AGAP1: variants seen among roughly 807,000 people sequenced by gnomAD.
The protein encoded by AGAP1 is arf-GAP with GTPase, ANK repeat and PH domain-containing protein 1.
AGAP1 carries 29 observed loss-of-function variants against 105.3 expected under a neutral mutation model. That is an observed-to-expected ratio of 0.28 (90% CI 0.21 to 0.38). The LOEUF is 0.38. Among genes scored for constraint, AGAP1 ranks in the 10% least tolerant of loss-of-function variants. AGAP1 has a pLI of 1.00. For missense variants in AGAP1, 998 were observed against 1,165.1 expected (o/e 0.86, Z 2.09); for synonymous variants, 509 against 485.9 (o/e 1.05, Z -0.63).
chr2:235,677,956 A>C (rs1948841953), intron 1 of AGAP1, among the ~76,000 whole-genome samples: 4 of 106,874 alleles, frequency 3.7e-5, no homozygotes, highest in Admixed American at 1.1e-4. Flanking sequence ...AAAAAAAAAA[A>C]AGCAAAACCA....
In AGAP1 at chr2:235,741,065, G is replaced by T. The variant is rs1350712362; in HGVS notation, c.396+17G>T. ...GAGGCGCAGGTGAGTATACATGCAT[G>T]CCCCAAGCCTGCTTTTTTTCCCTTT... On this transcript the variant is annotated intron_variant, in intron 4 of 17. Transcript: ENST00000304032. This position sits in a 1 kb window ranked among gnomAD's most constrained non-coding sequence, Gnocchi z 4.9. 6.4e-7 allele frequency: 1 copy of T among 1,558,132 alleles called. No individual in the cohort carries two copies. The highest frequency in any genetic ancestry group is 8.7e-7 in the Non-Finnish European group (1 of 1,145,658).
At chr2:235,613,254 C>A (rs563388539) in intron 1 of AGAP1, among the ~76,000 whole-genome samples, 2 of 152,258 alleles carry the variant, frequency 1.3e-5, no homozygotes, top group African/African-American at 4.8e-5. Flanking sequence ...CCTCGGCTTC[C>A]AAAAGTGCTG....
intron 1 of AGAP1, among the ~76,000 whole-genome samples, chr2:235,652,973 C>G (rs1009572427): frequency 6.6e-6 from 1 of 151,760 alleles, no homozygotes; most frequent in Non-Finnish European, 1.5e-5. Context: ...GACTCTGTCT[C>G]GAAAAACAAG....
chr2:236,115,159 G>A (rs1194074720), intron 16 of AGAP1, among the ~76,000 whole-genome samples: 3 of 152,200 alleles, frequency 2.0e-5, no homozygotes, highest in South Asian at 2.1e-4. Flanking sequence ...CACACGTGCC[G>A]CTTCCACGGG....
chr2:236,109,675 C>G lies in AGAP1; in HGVS notation c.2115-10517C>G, dbSNP rs1053703823. On this transcript the variant is annotated intron_variant, in intron 16 of 17. Coordinates refer to ENST00000304032, the MANE Select transcript of AGAP1 (RefSeq NM_001037131.3). This position sits in a 1 kb window ranked among gnomAD's most constrained non-coding sequence, Gnocchi z 5.4. ...CCTAGTCGGCGGCAGCGTCGGTGCTCTGGACCGGCAGCCGTGGAAACGTTC... is the reference window on the plus strand; with the variant it reads ...CCTAGTCGGCGGCAGCGTCGGTGCTGTGGACCGGCAGCCGTGGAAACGTTC... 1.3e-5 allele frequency among the ~76,000 whole-genome samples: 2 copies of G among 152,226 alleles called. No individual in the cohort carries two copies. Among genetic ancestry groups the G allele is most frequent in the African/African-American group, 4.8e-5 (2 of 41,466 alleles).
intron 16 of AGAP1, among the ~76,000 whole-genome samples, chr2:236,052,918 G>A (rs2057946913): frequency 1.3e-5 from 2 of 152,132 alleles, no homozygotes; most frequent in South Asian, 4.1e-4. Flanking sequence ...TTAAAATATC[G>A]ATTTTAAGTG....
chr2:235,967,651 C>T lies in AGAP1; in HGVS notation c.1484-811C>T, dbSNP rs189982596. Among the ~76,000 whole-genome samples, 6 of 152,222 alleles carry T rather than the reference C, an allele frequency of 3.9e-5. No homozygotes were observed. The highest frequency in any genetic ancestry group is 6.5e-5 in the Admixed American group (1 of 15,284). On this transcript the variant is annotated intron_variant, in intron 12 of 17. Transcript: ENST00000304032. This position sits in a 1 kb window ranked among gnomAD's most constrained non-coding sequence, Gnocchi z 4.7. The stretch of plus-strand genomic sequence containing the variant: ...ATCGTGAAATAAAAACTTTTCAAGA[C>T]GCCGTAGGCATGCACCACCTGTTTT...
At chr2:235,851,704 A>C (rs1484929365) in intron 9 of AGAP1, among the ~76,000 whole-genome samples, 1 of 152,124 alleles carries the variant, frequency 6.6e-6, no homozygotes, top group East Asian at 1.9e-4. Flanking sequence ...ATGAACAGAA[A>C]GAAGAAGAAG....
At chr2:235,630,585 C>T (rs1263088267) in intron 1 of AGAP1, among the ~76,000 whole-genome samples, 2 of 152,108 alleles carry the variant, frequency 1.3e-5, no homozygotes, top group Non-Finnish European at 2.9e-5. Context: ...TTTTCCGTGT[C>T]GTGTTGTAAT....
rs1411414847 is a variant in AGAP1 at position 235,720,988 on chromosome 2, A to G, written c.310+3344A>G. On this transcript the variant is annotated intron_variant, in intron 3 of 17. Coordinates refer to ENST00000304032, the MANE Select transcript of AGAP1 (RefSeq NM_001037131.3). This position sits in a 1 kb window ranked among gnomAD's most constrained non-coding sequence, Gnocchi z 5.0. ...TTGTAGTGAAGAGAGCCAACTCACAAGATTTAGATTATTTTATTTTATTTA... is the reference window on the plus strand; with the variant it reads ...TTGTAGTGAAGAGAGCCAACTCACAGGATTTAGATTATTTTATTTTATTTA... Among the ~76,000 whole-genome samples the G allele has an allele frequency of 6.6e-6, 1 of 152,088 alleles. No individual in the cohort carries two copies. The highest frequency in any genetic ancestry group is 1.5e-5 in the Non-Finnish European group (1 of 68,010).
In AGAP1 at chr2:236,040,717, T is replaced by TA. The variant is rs1559217272; in HGVS notation, c.1801-33dup. 1 of 1,609,430 alleles carries TA rather than the reference T, an allele frequency of 6.2e-7. No individual in the cohort carries two copies. The highest frequency in any genetic ancestry group is 8.5e-7 in the Non-Finnish European group (1 of 1,177,676). ...TGATGTGCGTTTCTCCCGGGGTGCT[T>TA]ACGCCTTGTATTTGTGTCTTCCTCC... On this transcript the variant is annotated intron_variant, in intron 14 of 17. Transcript: ENST00000304032. This position sits in a 1 kb window ranked among gnomAD's most constrained non-coding sequence, Gnocchi z 5.6.
intron 12 of AGAP1, among the ~76,000 whole-genome samples, chr2:235,968,140 A>G (rs750329287): frequency 2.1e-4 from 32 of 152,236 alleles, no homozygotes; most frequent in Non-Finnish European, 3.8e-4. Flanking sequence ...AAAGATAACT[A>G]AAAAGCATAA....
At chr2:235,541,456 C>T (rs1171710571) in intron 1 of AGAP1, among the ~76,000 whole-genome samples, 1 of 137,566 alleles carries the variant, frequency 7.3e-6, no homozygotes, top group African/African-American at 2.7e-5. Context: ...GGCGCGATCT[C>T]GGCTCACTGC....
intron 13 of AGAP1, among the ~76,000 whole-genome samples, chr2:235,999,526 T>G (rs990723280): frequency 6.2e-5 from 9 of 146,306 alleles, no homozygotes; most frequent in Admixed American, 2.0e-4. Context: ...GTGGTGGTGG[T>G]GATGATGATG....
chr2:235,833,796 C>G (rs1959757969), intron 9 of AGAP1, among the ~76,000 whole-genome samples: 1 of 150,756 alleles, frequency 6.6e-6, no homozygotes, highest in South Asian at 2.1e-4. Flanking sequence ...ATGTGTATAA[C>G]TGAAACAAAT....
At chr2:235,790,009 T>C (rs567010569) in intron 6 of AGAP1, among the ~76,000 whole-genome samples, 8 of 152,314 alleles carry the variant, frequency 5.3e-5, no homozygotes, top group Non-Finnish European at 8.8e-5. Flanking sequence ...TGGAAGTAGC[T>C]GGACCAGACT....
intron 9 of AGAP1, among the ~76,000 whole-genome samples, chr2:235,823,174 A>T (rs1315465230): frequency 6.6e-6 from 1 of 151,866 alleles, no homozygotes; most frequent in African/African-American, 2.4e-5. Flanking sequence ...ATGTAAATTT[A>T]TGTAACATAT....
Position 236,046,049 on chromosome 2 carries a change from A to G in AGAP1, c.1892-3010A>G, listed in dbSNP as rs1229375569. The G allele has an allele frequency of 2.1e-6, 1 of 470,830 alleles. No individual in the cohort carries two copies. Among genetic ancestry groups the G allele is most frequent in the Non-Finnish European group, 4.4e-6 (1 of 226,664 alleles). The allele number at this position is 470,830 out of a possible 1,614,324, so 29.2% of individuals were successfully genotyped here. A position where few individuals can be genotyped will look rare whatever the true frequency, so the allele number is the denominator to read the frequency against. On this transcript the variant is annotated intron_variant, in intron 15 of 17. Transcript: ENST00000304032. This position sits in a 1 kb window ranked among gnomAD's most constrained non-coding sequence, Gnocchi z 5.2. ...GGGGGGAGGTAGGAGGGGGTGCACC[A>G]CGGTCTGAACGAGGGGCCAGCATGA...
At chr2:235,676,109 G>A (rs1948721815) in intron 1 of AGAP1, among the ~76,000 whole-genome samples, 1 of 152,194 alleles carries the variant, frequency 6.6e-6, no homozygotes, top group Non-Finnish European at 1.5e-5. Context: ...GTGGAAGCTG[G>A]AGCTAACTAG....
Sources: allele counts gnomAD v4.1 joint callset (sites outside exome capture counted in the v4.1 genomes callset), GRCh38; gene constraint gnomAD v4.1.1; non-coding constraint Gnocchi (gnomAD v3.1); transcripts MANE v1.5; gene names NCBI Gene and HGNC (gene_info 2026-07-23, HGNC 2026-07-21).